The following KSR2 variants were observed in gnomAD, a reference collection of about 807,000 sequenced individuals.
The protein encoded by KSR2 is kinase suppressor of ras 2.
Under a neutral mutation model 107.8 loss-of-function variants are expected in KSR2, and 25 were observed. That is an observed-to-expected ratio of 0.23 (90% CI 0.17 to 0.32). KSR2 has a LOEUF of 0.32. KSR2 is among the 10% of genes least tolerant of loss of function. KSR2 has a pLI of 1.00. For synonymous variants in KSR2, 480 were observed against 507.0 expected (o/e 0.95, Z 0.71); for missense variants, 887 against 1,268.9 (o/e 0.70, Z 4.57).
chr12:117,646,251 G>A (rs1352454566), intron 5 of KSR2, among the ~76,000 whole-genome samples: 2 of 152,138 alleles, frequency 1.3e-5, no homozygotes, highest in African/African-American at 4.8e-5. Flanking sequence ...TGAATACAGA[G>A]GGCCAGGGCT....
intron 17 of KSR2, among the ~76,000 whole-genome samples, chr12:117,472,902 C>T (rs932629338): frequency 3.9e-5 from 6 of 152,064 alleles, no homozygotes; most frequent in South Asian, 2.1e-4. Context: ...AGGGTCTGCC[C>T]CTTCCAGGAA....
chr12:117,517,826 C>T (rs189721573), intron 14 of KSR2: 31 of 455,888 alleles, frequency 6.8e-5, no homozygotes, highest in Admixed American at 3.1e-4. Flanking sequence ...AACTCCTGTA[C>T]GTTATATTTA....
At chr12:117,921,709 G>A (rs1341288087) in intron 1 of KSR2, among the ~76,000 whole-genome samples, 2 of 152,112 alleles carry the variant, frequency 1.3e-5, no homozygotes, top group African/African-American at 4.8e-5. Context: ...TCAATGTAAA[G>A]CTCTTAGTGC....
intron 3 of KSR2, among the ~76,000 whole-genome samples, chr12:117,834,187 G>A (rs1278807421): frequency 6.6e-6 from 1 of 151,348 alleles, no homozygotes; most frequent in African/African-American, 2.4e-5. Context: ...CCAAGAATCC[G>A]AAGGACTCGG....
Position 117,621,107 on chromosome 12 carries a change from C to T in KSR2, c.1172-38748G>A, listed in dbSNP as rs958164081. Among the ~76,000 whole-genome samples, 5 of 152,218 alleles carry T rather than the reference C, an allele frequency of 3.3e-5. No homozygotes were observed. The South Asian group carries it at 6.2e-4, about 19-fold the overall frequency. On this transcript the variant is annotated intron_variant, in intron 5 of 19. Coordinates refer to ENST00000339824, the MANE Select transcript of KSR2 (RefSeq NM_173598.6). ...CAAGAGGGGAAAATTACTGGATTAT[C>T]GGGGTGGTTTCCTCCATACTGTTCA...
At position 117,634,655 on chromosome 12, in the gene KSR2, T is replaced by C. The variant is rs531224309; in HGVS notation, c.1171+32819A>G. The stretch of plus-strand genomic sequence containing the variant: ...ACCGGCCACAGGGAAGCAATGTCAT[T>C]AGGCAGGAATCAGGGCTGGATCCCA... On this transcript the variant is annotated intron_variant, in intron 5 of 19. Coordinates refer to ENST00000339824, the MANE Select transcript of KSR2 (RefSeq NM_173598.6). Among the ~76,000 whole-genome samples the C allele has an allele frequency of 7.9e-5, 12 of 152,188 alleles. No homozygotes were observed. The East Asian group carries it at 9.7e-4, about 12-fold the overall frequency.
At chr12:117,713,209 TATAG>T (rs1886857555) in intron 4 of KSR2, among the ~76,000 whole-genome samples, 1 of 151,688 alleles carries the variant, frequency 6.6e-6, no homozygotes, top group Non-Finnish European at 1.5e-5. Context: ...TATAGATATA[TATAG>T]ATAGATAATA....
chr12:117,509,085 C>A (rs1307949764), intron 14 of KSR2, among the ~76,000 whole-genome samples: 1 of 152,050 alleles, frequency 6.6e-6, no homozygotes, highest in African/African-American at 2.4e-5. Context: ...CGTGATCATT[C>A]ACTTCTGAGG....
intron 3 of KSR2, among the ~76,000 whole-genome samples, chr12:117,799,933 G>T (rs1031853988): frequency 2.6e-5 from 4 of 152,228 alleles, no homozygotes; most frequent in Non-Finnish European, 4.4e-5. Flanking sequence ...CACGTAATCT[G>T]CCTCCAAGAC....
chr12:117,818,332 C>T (rs1046568162), intron 3 of KSR2, among the ~76,000 whole-genome samples: 1 of 152,124 alleles, frequency 6.6e-6, no homozygotes, highest in African/African-American at 2.4e-5. Context: ...TCAGAGGCTA[C>T]AACCAAGGAC....
Position 117,459,970 on chromosome 12 carries a change from A to G in KSR2, c.*7229T>C, listed in dbSNP as rs148907680. The stretch of plus-strand genomic sequence containing the variant: ...AACAAGCCTGGGAAAGCTTGGGAAG[A>G]ACAGCCTCCTATCAGGCATTTAGAG... On this transcript the variant is annotated 3_prime_UTR_variant, in exon 20 of 20. Transcript: ENST00000339824. 6.6e-6 allele frequency: 1 copy of G among 152,384 alleles called. No homozygotes were observed. The highest frequency in any genetic ancestry group is 2.4e-5 in the African/African-American group (1 of 41,602). 9.4% of individuals were successfully genotyped at this position (152,384 alleles called of 1,614,324 possible).
chr12:117,632,323 C>G lies in KSR2; in HGVS notation c.1171+35151G>C, dbSNP rs1170491709. Among the ~76,000 whole-genome samples, 3 of 142,514 alleles carry G rather than the reference C, an allele frequency of 2.1e-5. No individual in the cohort carries two copies. The East Asian group carries it at 6.4e-4, about 31-fold the overall frequency. The allele number at this position is 142,514 out of a possible 152,430, so 93.5% of individuals were successfully genotyped here. A position where few individuals can be genotyped will look rare whatever the true frequency, so the allele number is the denominator to read the frequency against. Reference sequence around the variant, plus strand: ...CACTGCAACCTCCACCTCCCAGGTTCAAGTGATTCTCCTGCCTCAGCCTCC... The same window carrying G: ...CACTGCAACCTCCACCTCCCAGGTTGAAGTGATTCTCCTGCCTCAGCCTCC... On this transcript the variant is annotated intron_variant, in intron 5 of 19. Coordinates refer to ENST00000339824, the MANE Select transcript of KSR2 (RefSeq NM_173598.6).
At chr12:117,906,809 G>A (rs187781161) in intron 1 of KSR2, among the ~76,000 whole-genome samples, 11 of 152,236 alleles carry the variant, frequency 7.2e-5, no homozygotes, top group Admixed American at 5.9e-4. Flanking sequence ...ACTTCGGGAG[G>A]TGAAGGTGAG....
intron 1 of KSR2, among the ~76,000 whole-genome samples, chr12:117,931,266 T>C (rs1442820761): frequency 1.3e-5 from 2 of 152,150 alleles, no homozygotes; most frequent in Non-Finnish European, 2.9e-5. Flanking sequence ...CACGCCCTGT[T>C]CCTAGGCAGC....
intron 12 of KSR2, among the ~76,000 whole-genome samples, chr12:117,529,969 C>T (rs954938957): frequency 2.0e-5 from 3 of 152,242 alleles, no homozygotes; most frequent in East Asian, 1.9e-4. Flanking sequence ...TGCAGTGAAC[C>T]GTGATTGCAC....
chr12:117,865,311 A>G (rs1893434413), intron 1 of KSR2, among the ~76,000 whole-genome samples: 1 of 152,196 alleles, frequency 6.6e-6, no homozygotes, highest in Non-Finnish European at 1.5e-5. Flanking sequence ...TAGAAATTAC[A>G]TGAAAGATAT....
At chr12:117,924,440 C>T (rs1250627622) in intron 1 of KSR2, among the ~76,000 whole-genome samples, 4 of 150,704 alleles carry the variant, frequency 2.7e-5, no homozygotes, top group Admixed American at 6.6e-5. Context: ...GGCATGGTGG[C>T]AGGCGCCTGT....
intron 5 of KSR2, among the ~76,000 whole-genome samples, chr12:117,629,552 G>A (rs77210335): frequency 0.013 from 2,023 of 152,256 alleles, 47 homozygotes; most frequent in African/African-American, 0.043. Flanking sequence ...GAGTTTCCTC[G>A]TGATCACAGC....
chr12:117,609,177 C>T (rs904257194), intron 5 of KSR2, among the ~76,000 whole-genome samples: 1 of 152,146 alleles, frequency 6.6e-6, no homozygotes, highest in African/African-American at 2.4e-5. Context: ...GGCTCAAATC[C>T]CAGCTCAGCC....
Sources: allele counts gnomAD v4.1 joint callset (sites outside exome capture counted in the v4.1 genomes callset), GRCh38; gene constraint gnomAD v4.1.1; transcripts MANE v1.5; gene names NCBI Gene and HGNC (gene_info 2026-07-23, HGNC 2026-07-21).